The following SLC44A5 variants were observed in gnomAD, a reference collection of about 807,000 sequenced individuals.
The protein encoded by SLC44A5 is solute carrier family 44 member 5.
SLC44A5 carries 57 observed loss-of-function variants against 101.8 expected under a neutral mutation model. The observed-to-expected ratio is 0.56, with a 90% CI of 0.45 to 0.70. The LOEUF (loss-of-function observed/expected upper bound fraction) is 0.70. SLC44A5 is among the 30% of genes least tolerant of loss of function. The pLI is 0.00. For synonymous variants in SLC44A5, 281 were observed against 290.9 expected, an observed-to-expected ratio of 0.97 and a Z score of 0.35; for missense variants, 737 against 853.1, an observed-to-expected ratio of 0.86 and a Z score of 1.70.
chr1:75,299,607 G>A (rs1288323470), intron 5 of SLC44A5, among the ~76,000 whole-genome samples: 2 of 152,052 alleles, frequency 1.3e-5, no homozygotes, highest in Non-Finnish European at 2.9e-5. Flanking sequence ...CAGAATTTAA[G>A]GGACAGAACC....
In SLC44A5 at chr1:75,237,067, A is replaced by G. The variant is rs1648149571; in HGVS notation, c.660T>C (p.Gly220=). 1 of 1,583,290 alleles carries G rather than the reference A, an allele frequency of 6.3e-7. No individual in the cohort carries two copies. The highest frequency in any genetic ancestry group is 1.7e-5 in the Admixed American group (1 of 59,598). Residue 220 remains glycine, a synonymous_variant, in exon 11 of 24, where the codon GGT becomes GGC. Transcript: ENST00000370859. ...SVVELGIAAN[G]INKLLDAKSL... ...ACTTTGCATCAAGAAGTTTATTGAT[A>G]CCACTGCATTGAAAGAAGGGAAAAA...
At chr1:75,678,302 G>A in the SLC44A5 span, among the ~76,000 whole-genome samples, 2 of 152,124 alleles carry the variant, frequency 1.3e-5, no homozygotes, top group East Asian at 1.9e-4. Flanking sequence ...CTCCACCTCT[G>A]GGGGCAGGGC....
At chr1:75,436,561 G>T (rs886337085) in intron 2 of SLC44A5, among the ~76,000 whole-genome samples, 1 of 152,134 alleles carries the variant, frequency 6.6e-6, no homozygotes, top group African/African-American at 2.4e-5. Context: ...GAGTCAGTGA[G>T]TGAGTGCTGA....
At chr1:75,510,621 A>G (rs540360189) in intron 2 of SLC44A5, among the ~76,000 whole-genome samples, 150 of 152,310 alleles carry the variant, frequency 9.8e-4, no homozygotes, top group South Asian at 2.3e-3. Flanking sequence ...CTATGGAGCT[A>G]CAAGACTATG....
At chr1:75,615,731 G>T (rs1675850672), upstream of SLC44A5, 1 of 549,326 alleles carries the variant, frequency 1.8e-6, no homozygotes, top group African/African-American at 2.0e-5. Flanking sequence ...CCCGGACACG[G>T]CAAACTCTTC....
intron 10 of SLC44A5, among the ~76,000 whole-genome samples, 196 bp downstream of exon 10, chr1:75,238,317 T>C (rs894746516): frequency 3.4e-5 from 5 of 148,626 alleles, no homozygotes; most frequent in African/African-American, 1.2e-4. Flanking sequence ...TGATTCTGGG[T>C]TCTCCCTTAC....
At chr1:75,526,577 T>C (rs1670419760) in intron 2 of SLC44A5, among the ~76,000 whole-genome samples, 1 of 152,230 alleles carries the variant, frequency 6.6e-6, no homozygotes, top group South Asian at 2.1e-4. Context: ...CTAAAGCCAC[T>C]GAGATTTCAG....
At chr1:75,218,381 C>A in intron 17 of SLC44A5, 109 bp downstream of exon 17, 1 of 1,413,658 alleles carries the variant, frequency 7.1e-7, no homozygotes, top group South Asian at 1.3e-5. Context: ...TTGATTCATA[C>A]CTTTGATTTC....
chr1:75,371,951 C>A (rs1435057821), intron 3 of SLC44A5, among the ~76,000 whole-genome samples: 1 of 152,168 alleles, frequency 6.6e-6, no homozygotes, highest in Non-Finnish European at 1.5e-5. Flanking sequence ...AATCCCAGCA[C>A]TTTGGGAGGC....
chr1:75,611,981 T>C (rs529487784), upstream of SLC44A5, among the ~76,000 whole-genome samples: 3 of 152,230 alleles, frequency 2.0e-5, no homozygotes, highest in East Asian at 1.9e-4. Context: ...CTTACTTGCA[T>C]TGAAAGGCTT....
At chr1:75,356,588 T>C (rs1292577401) in intron 3 of SLC44A5, among the ~76,000 whole-genome samples, 1 of 152,084 alleles carries the variant, frequency 6.6e-6, no homozygotes, top group East Asian at 1.9e-4. Context: ...ATTTATTATA[T>C]ATTATACATT....
At chr1:75,627,596 T>C in the SLC44A5 span, among the ~76,000 whole-genome samples, 735 of 152,036 alleles carry the variant, frequency 4.8e-3, 10 homozygotes, top group African/African-American at 0.017. Context: ...GGCAGGAGGA[T>C]TGCTTGAAAC....
At chr1:75,447,043 G>A (rs916575875) in intron 2 of SLC44A5, among the ~76,000 whole-genome samples, 13 of 152,170 alleles carry the variant, frequency 8.5e-5, no homozygotes, top group East Asian at 1.9e-4. Flanking sequence ...GAAGGTACCC[G>A]GTGCTGATGT....
intron 3 of SLC44A5, among the ~76,000 whole-genome samples, chr1:75,340,459 T>C (rs1396372953): frequency 2.6e-5 from 4 of 152,196 alleles, no homozygotes; most frequent in Non-Finnish European, 5.9e-5. Context: ...TGGTCCTGAA[T>C]AAAAGATAAA....
At chr1:75,712,347 C>T in the SLC44A5 span, among the ~76,000 whole-genome samples, 1 of 152,078 alleles carries the variant, frequency 6.6e-6, no homozygotes, top group Non-Finnish European at 1.5e-5. Flanking sequence ...CTCCTAAGGG[C>T]CACCTAAAAA....
chr1:75,661,415 A>AAAAAAAAAC, the SLC44A5 span, among the ~76,000 whole-genome samples: 2 of 117,526 alleles, frequency 1.7e-5, no homozygotes, highest in African/African-American at 6.0e-5. Context: ...AAAAAAAAAA[A>AAAAAAAAAC]CACCATGGAA....
chr1:75,339,576 G>A lies in SLC44A5; in HGVS notation c.101+6C>T. 1 of 1,598,016 alleles carries A rather than the reference G, an allele frequency of 6.3e-7. No individual in the cohort carries two copies. The highest frequency in any genetic ancestry group is 1.3e-5 in the African/African-American group (1 of 74,282). On this transcript the variant is annotated splice_donor_region_variant and intron_variant, in intron 4 of 23. Coordinates refer to ENST00000370859, the MANE Select transcript of SLC44A5 (RefSeq NM_001130058.2). ...AAAGCATATTCCCCAAAAAATAATT[G>A]CTTACCTGTTGGCAACAGGCCCCTT...
intron 11 of SLC44A5, among the ~76,000 whole-genome samples, chr1:75,234,986 C>T (rs1647941325): frequency 6.6e-6 from 1 of 151,962 alleles, no homozygotes; most frequent in Non-Finnish European, 1.5e-5. Flanking sequence ...AACATAGCAA[C>T]AGACAGAGTG....
intron 11 of SLC44A5, among the ~76,000 whole-genome samples, chr1:75,235,772 AT>A (rs919391426): frequency 2.6e-5 from 4 of 151,790 alleles, no homozygotes; most frequent in South Asian, 2.1e-4. Flanking sequence ...CCTGAACCAC[AT>A]TTTTTTTGTG....
Sources: allele counts gnomAD v4.1 joint callset (sites outside exome capture counted in the v4.1 genomes callset), GRCh38; gene constraint gnomAD v4.1.1; transcripts MANE v1.5; gene names NCBI Gene and HGNC (gene_info 2026-07-23, HGNC 2026-07-21).